LRP1B: variants seen among roughly 807,000 people sequenced by gnomAD.
The protein encoded by LRP1B is low-density lipoprotein receptor-related protein 1B.
Under a neutral mutation model 556.6 loss-of-function variants are expected in LRP1B, and 217 were observed. That is an observed-to-expected ratio of 0.39 (90% CI 0.35 to 0.44). The LOEUF (loss-of-function observed/expected upper bound fraction) is 0.44. LRP1B is among the 20% of genes least tolerant of loss of function. The pLI is 1.00. For missense variants in LRP1B, 5,053 were observed against 5,620.8 expected (o/e 0.90, Z 3.23); for synonymous variants, 2,047 against 1,865.8 (o/e 1.10, Z -2.50).
intron 7 of LRP1B, among the ~76,000 whole-genome samples, chr2:141,126,458 C>T (rs1478319402): frequency 6.6e-6 from 1 of 152,148 alleles, no homozygotes; most frequent in African/African-American, 2.4e-5. Flanking sequence ...TGGAAAATTC[C>T]CTGCTCTTCT....
chr2:140,280,744 A>T (rs542818280), intron 84 of LRP1B, among the ~76,000 whole-genome samples: 1 of 151,980 alleles, frequency 6.6e-6, no homozygotes, highest in South Asian at 2.1e-4. Context: ...TGAGCATTCC[A>T]TCTCATAAGT....
intron 25 of LRP1B, among the ~76,000 whole-genome samples, chr2:140,870,777 T>C (rs1389595547): frequency 6.6e-6 from 1 of 152,110 alleles, no homozygotes; most frequent in African/African-American, 2.4e-5. Context: ...AAATAGCAAT[T>C]TGCTAAATTA....
intron 2 of LRP1B, among the ~76,000 whole-genome samples, chr2:141,539,737 G>T (rs2105207040): frequency 6.6e-6 from 1 of 152,210 alleles, no homozygotes; most frequent in African/African-American, 2.4e-5. Flanking sequence ...TGTAAAAGTA[G>T]CCATAGATTA....
intron 63 of LRP1B, among the ~76,000 whole-genome samples, 169 bp from the exon 64 acceptor site, chr2:140,444,848 A>G (rs1418088856): frequency 6.6e-6 from 1 of 152,144 alleles, no homozygotes; most frequent in Non-Finnish European, 1.5e-5. Context: ...CTATACTTTG[A>G]GCAACTCAGA....
chr2:142,063,470 T>G (rs1458069649), intron 1 of LRP1B, among the ~76,000 whole-genome samples: 1 of 151,654 alleles, frequency 6.6e-6, no homozygotes, highest in Non-Finnish European at 1.5e-5. Context: ...TTGAATTTCT[T>G]TTAAAAAGAA....
intron 75 of LRP1B, 150 bp from the exon 76 acceptor site, chr2:140,353,222 T>A: frequency 1.4e-6 from 1 of 705,408 alleles, no homozygotes; most frequent in South Asian, 1.9e-5. Context: ...TGTGTCATAT[T>A]TTTGAAGGTA....
intron 8 of LRP1B, among the ~76,000 whole-genome samples, chr2:141,060,780 G>C (rs1352989261): frequency 6.6e-6 from 1 of 151,692 alleles, no homozygotes; most frequent in African/African-American, 2.4e-5. Flanking sequence ...TTACACCCTA[G>C]GCAGAGGTAG....
chr2:140,883,064 T>C (rs1178259069), intron 25 of LRP1B, among the ~76,000 whole-genome samples: 2 of 152,144 alleles, frequency 1.3e-5, no homozygotes, highest in African/African-American at 4.8e-5. Context: ...AGGAGGAAGA[T>C]GTTATTATCC....
chr2:140,589,295 AC>A (rs1682120935), intron 43 of LRP1B, among the ~76,000 whole-genome samples: 1 of 152,208 alleles, frequency 6.6e-6, no homozygotes, highest in South Asian at 2.1e-4. Flanking sequence ...CACATAGCCA[AC>A]AAAAAAGTAT....
Position 141,953,059 on chromosome 2 carries a change from A to G in LRP1B, c.83-142658T>C, listed in dbSNP as rs561774763. 2.4e-4 allele frequency among the ~76,000 whole-genome samples: 36 copies of G among 152,144 alleles called. 1 individual carries two copies. The highest frequency in any genetic ancestry group is 8.4e-4 in the African/African-American group (35 of 41,546). ...TTAATGTATTGGAGGTATTCAACAG[A>G]GACTTTTGGTGGGTATTATCTTTGT... On this transcript the variant is annotated intron_variant, in intron 1 of 90. Coordinates refer to ENST00000389484, the MANE Select transcript of LRP1B (RefSeq NM_018557.3).
chr2:141,007,593 C>T (rs1471553939), intron 14 of LRP1B, among the ~76,000 whole-genome samples: 1 of 151,366 alleles, frequency 6.6e-6, no homozygotes, highest in Non-Finnish European at 1.5e-5. Flanking sequence ...TCATAGGATG[C>T]ACTGTTATTC....
intron 33 of LRP1B, among the ~76,000 whole-genome samples, chr2:140,775,234 C>A (rs1323079087): frequency 1.3e-5 from 2 of 151,944 alleles, no homozygotes; most frequent in East Asian, 3.9e-4. Flanking sequence ...TCAATAAATG[C>A]TGCTTGCTTG....
chr2:140,264,209 C>A (rs1391814235), intron 86 of LRP1B, among the ~76,000 whole-genome samples: 3 of 151,730 alleles, frequency 2.0e-5, no homozygotes, highest in South Asian at 2.1e-4. Flanking sequence ...CATAATGAAA[C>A]CTTTTTTTGT....
chr2:141,474,220 T>TA (rs931133954), intron 3 of LRP1B, among the ~76,000 whole-genome samples: 49 of 150,310 alleles, frequency 3.3e-4, no homozygotes, highest in East Asian at 2.2e-3. Context: ...TTCTGGAAAA[T>TA]AAAAAAAAAA....
At chr2:141,544,380 T>C (rs1473109096) in intron 2 of LRP1B, among the ~76,000 whole-genome samples, 6 of 102,580 alleles carry the variant, frequency 5.8e-5, no homozygotes, top group Non-Finnish European at 1.3e-4. Context: ...CTTCTTCTTC[T>C]TCTCCTCCTC....
intron 2 of LRP1B, among the ~76,000 whole-genome samples, chr2:141,537,993 G>A (rs527472923): frequency 6.6e-6 from 1 of 152,212 alleles, no homozygotes; most frequent in African/African-American, 2.4e-5. Context: ...TCCGAACATT[G>A]TATCCTGGGT....
intron 21 of LRP1B, among the ~76,000 whole-genome samples, chr2:140,915,896 C>A (rs1250957381): frequency 6.6e-6 from 1 of 151,514 alleles, no homozygotes; most frequent in Non-Finnish European, 1.5e-5. Context: ...GGTGAGGGGG[C>A]AGGCGCCTGT....
Position 141,683,260 on chromosome 2 carries a change from C to T in LRP1B, c.205+127019G>A, listed in dbSNP as rs191387705. On this transcript the variant is annotated intron_variant, in intron 2 of 90. Transcript: ENST00000389484. ...TGAAGAACAGGATTTTAAAAGCCTCCATTTCTTTGAACAGGCTGTTAGTAG... is the reference window on the plus strand; with the variant it reads ...TGAAGAACAGGATTTTAAAAGCCTCTATTTCTTTGAACAGGCTGTTAGTAG... Among the ~76,000 whole-genome samples, 152 of 152,172 alleles carry T rather than the reference C, an allele frequency of 1.0e-3. 1 individual carries two copies. Among genetic ancestry groups the T allele is most frequent in the Non-Finnish European group, 7.9e-4 (54 of 67,992 alleles).
At chr2:140,636,624 C>G (rs566615817) in intron 41 of LRP1B, among the ~76,000 whole-genome samples, 1 of 152,088 alleles carries the variant, frequency 6.6e-6, no homozygotes, top group Non-Finnish European at 1.5e-5. Context: ...TAAAAGCATA[C>G]CACATCCTCC....
Sources: allele counts gnomAD v4.1 joint callset (sites outside exome capture counted in the v4.1 genomes callset), GRCh38; gene constraint gnomAD v4.1.1; transcripts MANE v1.5; gene names NCBI Gene and HGNC (gene_info 2026-07-23, HGNC 2026-07-21).